DAAM1: variants seen among roughly 807,000 people sequenced by gnomAD.
The protein encoded by DAAM1 is dishevelled associated activator of morphogenesis 1, also known as disheveled-associated activator of morphogenesis 1.
In DAAM1, 52 loss-of-function variants were observed where a neutral mutation model predicts 130.0. That is an observed-to-expected ratio of 0.40 (90% CI 0.32 to 0.50). DAAM1 has a LOEUF of 0.50. Among genes scored for constraint, DAAM1 ranks in the 20% least tolerant of loss-of-function variants. The pLI is 0.61. For synonymous variants in DAAM1, 452 were observed against 444.5 expected (o/e 1.02, Z -0.21); for missense variants, 1,134 against 1,303.8 (o/e 0.87, Z 2.01).
intron 11 of DAAM1, 75 bp from the exon 12 acceptor site, chr14:59,326,858 G>T: frequency 6.3e-7 from 1 of 1,585,932 alleles, no homozygotes. Context: ...GACTATTTTT[G>T]TACCTGGGGA....
chr14:59,325,764 A>G, intron 9 of DAAM1, 34 bp downstream of exon 9: 6 of 1,608,706 alleles, frequency 3.7e-6, no homozygotes, highest in Non-Finnish European at 5.1e-6. Context: ...GGTTTGATTC[A>G]TCAGTTCACA....
chr14:59,240,546 A>G (rs1881064427), intron 1 of DAAM1, among the ~76,000 whole-genome samples: 1 of 152,230 alleles, frequency 6.6e-6, no homozygotes, highest in Admixed American at 6.5e-5. Flanking sequence ...GATGTCATCA[A>G]AACCTCCTCA....
intron 17 of DAAM1, 51 bp downstream of exon 17, chr14:59,347,674 G>A (rs1410226278): frequency 1.3e-6 from 2 of 1,554,804 alleles, no homozygotes; most frequent in Non-Finnish European, 1.8e-6. Flanking sequence ...ACCATCAACA[G>A]GGAGAGGGAT....
chr14:59,263,960 G>C, intron 2 of DAAM1: 2 of 439,496 alleles, frequency 4.6e-6, no homozygotes, highest in South Asian at 4.3e-5. Flanking sequence ...TTCCTAATTT[G>C]TCTCCATCCC....
intron 5 of DAAM1, among the ~76,000 whole-genome samples, chr14:59,321,707 CCTTT>C (rs1455368387): frequency 2.6e-5 from 4 of 152,168 alleles, no homozygotes; most frequent in African/African-American, 9.7e-5. Flanking sequence ...ATAAAGATTC[CCTTT>C]CTTTATTTGA....
chr14:59,309,379 C>G (rs944980348), intron 3 of DAAM1, among the ~76,000 whole-genome samples: 2 of 152,164 alleles, frequency 1.3e-5, no homozygotes, highest in African/African-American at 4.8e-5. Flanking sequence ...GGGCAAATTC[C>G]AAACACTTTA....
At position 59,363,687 on chromosome 14, in the gene DAAM1, G is replaced by C. The variant is rs151000937; in HGVS notation, c.2731G>C (p.Gly911Arg). 4.3e-6 allele frequency: 7 copies of C among 1,614,070 alleles called. No individual in the cohort carries two copies. The East Asian group carries it at 1.3e-4, about 31-fold the overall frequency. The change falls in exon 23 of 25, where the codon GGA becomes CGA. Residue 911 changes from glycine (G) to arginine (R), a missense_variant. Physicochemically the swap from Gly to Arg is moderately radical, Grantham distance 125 (BLOSUM62 -2). Transcript: ENST00000360909. ...EYQKSQPPQP[G>R]DKFVSVVSQF... ...TCAGAAGTCTCAGCCCCCACAGCCC[G>C]GAGATAAGTTTGTGTCTGTTGTCAG...
chr14:59,290,014 T>G lies in DAAM1; in HGVS notation c.184-1203T>G, dbSNP rs191504455. ...GTGGTGGGGGTGTTGGCAGGAATGC[T>G]ACCTTTCAGGTACTGTGCTCAGTAC... is the stretch of plus-strand genomic sequence containing the variant. On this transcript the variant is annotated intron_variant, in intron 2 of 24. Coordinates refer to ENST00000360909, the MANE Select transcript of DAAM1 (RefSeq NM_001270520.2). 1.2e-4 allele frequency among the ~76,000 whole-genome samples: 18 copies of G among 152,202 alleles called. No individual in the cohort carries two copies. The East Asian group carries it at 3.5e-3, about 29-fold the overall frequency.
intron 2 of DAAM1, among the ~76,000 whole-genome samples, chr14:59,282,741 A>G (rs543963310): frequency 7.9e-5 from 12 of 152,270 alleles, no homozygotes; most frequent in Non-Finnish European, 1.6e-4. Context: ...CAGTATAATA[A>G]TATGACCTAC....
intron 1 of DAAM1, among the ~76,000 whole-genome samples, chr14:59,189,177 C>T (rs1887647549): frequency 6.6e-6 from 1 of 152,102 alleles, no homozygotes; most frequent in East Asian, 1.9e-4. Context: ...CGTCCGCGAG[C>T]TCCCGGCCCG....
At chr14:59,290,082 C>T (rs577538855) in intron 2 of DAAM1, among the ~76,000 whole-genome samples, 5 of 151,886 alleles carry the variant, frequency 3.3e-5, no homozygotes, top group South Asian at 4.2e-4. Context: ...CAGTGACATG[C>T]GAGTTACCTA....
chr14:59,249,758 AGATAGAACTTCAG>A lies in DAAM1; in HGVS notation c.-37-13680_-37-13668del, dbSNP rs1430508920. ...GGACCCCAAACATTTTACCCTTTAA[AGATAGAACTTCAG>A]GAGCATGTACTTGAGAAAATTACTG... On this transcript the variant is annotated intron_variant, in intron 1 of 24. Coordinates refer to ENST00000360909, the MANE Select transcript of DAAM1 (RefSeq NM_001270520.2). Among the ~76,000 whole-genome samples, 5 of 152,288 alleles carry A rather than the reference AGATAGAACTTCAG, an allele frequency of 3.3e-5. No homozygotes were observed. The East Asian group carries it at 5.8e-4, about 18-fold the overall frequency.
At chr14:59,293,024 A>G (rs1005510808) in intron 3 of DAAM1, among the ~76,000 whole-genome samples, 42 of 152,236 alleles carry the variant, frequency 2.8e-4, no homozygotes, top group African/African-American at 9.4e-4. Context: ...GGAAACAAGG[A>G]AACTTTTCAC....
intron 2 of DAAM1, among the ~76,000 whole-genome samples, chr14:59,272,979 T>TG (rs577742220): frequency 8.1e-4 from 123 of 152,352 alleles, no homozygotes; most frequent in Admixed American, 2.9e-3. Context: ...TAAGTGGTTT[T>TG]GCTTGCTGAT....
At chr14:59,332,928 G>A (rs1419634656) in intron 15 of DAAM1, among the ~76,000 whole-genome samples, 4 of 152,076 alleles carry the variant, frequency 2.6e-5, no homozygotes, top group African/African-American at 9.7e-5. Flanking sequence ...ACTCCCAGAT[G>A]AATCATGGGT....
intron 3 of DAAM1, among the ~76,000 whole-genome samples, chr14:59,294,409 G>T (rs553874717): frequency 3.9e-5 from 6 of 152,092 alleles, no homozygotes; most frequent in African/African-American, 1.4e-4. Flanking sequence ...AGACTAAAAC[G>T]ATTCAAAAGA....
chr14:59,274,955 A>G (rs1882893823), intron 2 of DAAM1, among the ~76,000 whole-genome samples: 1 of 152,248 alleles, frequency 6.6e-6, no homozygotes, highest in South Asian at 2.1e-4. Flanking sequence ...ACGTGGTGAA[A>G]TAAATAGCTC....
intron 12 of DAAM1, among the ~76,000 whole-genome samples, chr14:59,329,341 G>A (rs1347178313): frequency 1.3e-5 from 2 of 152,178 alleles, no homozygotes; most frequent in Non-Finnish European, 1.5e-5. Flanking sequence ...ATGGGATATA[G>A]AGAGGTCATT....
In DAAM1 at chr14:59,367,604, G is replaced by A. The variant is rs1241405343; in HGVS notation, c.2997+5G>A. On this transcript the variant is annotated splice_donor_5th_base_variant and intron_variant, in intron 24 of 24. Coordinates refer to ENST00000360909, the MANE Select transcript of DAAM1 (RefSeq NM_001270520.2). ...CGAGCTCGCATGGAAGCTCAGGTGA[G>A]AGGATGATTAATTGACCAATTCCAC... 1.9e-6 allele frequency: 3 copies of A among 1,611,064 alleles called. No homozygotes were observed. Among genetic ancestry groups the A allele is most frequent in the Non-Finnish European group, 2.5e-6 (3 of 1,178,414 alleles).
Sources: allele counts gnomAD v4.1 joint callset (sites outside exome capture counted in the v4.1 genomes callset), GRCh38; gene constraint gnomAD v4.1.1; transcripts MANE v1.5; gene names NCBI Gene and HGNC (gene_info 2026-07-23, HGNC 2026-07-21).